Variants in MTAP observed in about 807,000 individuals in gnomAD.
MTAP encodes S-methyl-5'-thioadenosine phosphorylase.
MTAP carries 33 observed loss-of-function variants against 33.6 expected under a neutral mutation model. That is an observed-to-expected ratio of 0.98 (90% CI 0.74 to 1.31). MTAP has a LOEUF of 1.31. Ranked by LOEUF, MTAP falls within the 40% of genes most tolerant of loss-of-function variation. MTAP has a pLI of 0.00. For missense variants in MTAP, 367 were observed against 360.0 expected, an observed-to-expected ratio of 1.02 and a Z score of -0.16; for synonymous variants, 148 against 125.7, an observed-to-expected ratio of 1.18 and a Z score of -1.19.
chr9:21,810,713 C>G (rs1434838052), intron 1 of MTAP, among the ~76,000 whole-genome samples: 2 of 152,178 alleles, frequency 1.3e-5, no homozygotes, highest in Non-Finnish European at 2.9e-5. Flanking sequence ...TGAATTACCT[C>G]TTTAAAAACG....
intron 1 of MTAP, among the ~76,000 whole-genome samples, chr9:21,812,744 C>T (rs770114474): frequency 3.9e-5 from 6 of 152,178 alleles, no homozygotes; most frequent in Non-Finnish European, 8.8e-5. Flanking sequence ...AGCATGTTGT[C>T]TCATAACATG....
At chr9:21,841,985 A>T (rs1825258787) in intron 5 of MTAP, among the ~76,000 whole-genome samples, 1 of 152,250 alleles carries the variant, frequency 6.6e-6, no homozygotes, top group Non-Finnish European at 1.5e-5. Flanking sequence ...CTACTCAAGG[A>T]AATAGCAGAG....
intron 4 of MTAP, among the ~76,000 whole-genome samples, chr9:21,826,091 G>A (rs908691667): frequency 2.2e-4 from 33 of 151,608 alleles, no homozygotes; most frequent in Middle Eastern, 3.4e-3. Context: ...TCTATAGGCT[G>A]TCTCTTTATA....
intron 1 of MTAP, among the ~76,000 whole-genome samples, chr9:21,874,455 A>G (rs904237409): frequency 2.6e-5 from 4 of 152,162 alleles, no homozygotes; most frequent in Non-Finnish European, 5.9e-5. Flanking sequence ...TGGTTAATAC[A>G]TATTTTGTGT....
At chr9:21,882,551 A>G (rs1207181964) in intron 1 of MTAP, among the ~76,000 whole-genome samples, 4 of 152,038 alleles carry the variant, frequency 2.6e-5, no homozygotes, top group Non-Finnish European at 5.9e-5. Flanking sequence ...TGAGATTTCT[A>G]TTTTTCTCTC....
At chr9:21,831,713 C>G (rs1824971143) in intron 4 of MTAP, among the ~76,000 whole-genome samples, 1 of 152,022 alleles carries the variant, frequency 6.6e-6, no homozygotes, top group Non-Finnish European at 1.5e-5. Flanking sequence ...AACTTGCAAA[C>G]ATATCAGTAA....
intron 1 of MTAP, among the ~76,000 whole-genome samples, chr9:21,874,446 G>C (rs1825977217): frequency 6.6e-6 from 1 of 152,044 alleles, no homozygotes; most frequent in Non-Finnish European, 1.5e-5. Context: ...CATTGCAATT[G>C]GTTAATACAT....
At chr9:21,872,259 A>G (rs1008666854) in intron 1 of MTAP, among the ~76,000 whole-genome samples, 8 of 152,224 alleles carry the variant, frequency 5.3e-5, no homozygotes, top group South Asian at 2.1e-4. Flanking sequence ...GGGAGGTTGC[A>G]GTGAGCCAAG....
At chr9:21,920,758 G>C (rs577988824) in intron 1 of MTAP, among the ~76,000 whole-genome samples, 16 of 152,100 alleles carry the variant, frequency 1.1e-4, no homozygotes, top group Non-Finnish European at 2.4e-4. Flanking sequence ...TTATCCCTTG[G>C]ATAAATCCCA....
intron 7 of MTAP, chr9:21,859,670 T>G: frequency 8.4e-6 from 3 of 358,306 alleles, no homozygotes; most frequent in African/African-American, 2.1e-5. Context: ...TGTACCAGAT[T>G]CTTCACATTG....
At chr9:21,849,610 G>A (rs925147631) in intron 5 of MTAP, among the ~76,000 whole-genome samples, 1 of 152,192 alleles carries the variant, frequency 6.6e-6, no homozygotes, top group South Asian at 2.1e-4. Context: ...CATTCGAGCT[G>A]CCTCTACCTA....
At chr9:21,830,866 A>G (rs562614367) in intron 4 of MTAP, among the ~76,000 whole-genome samples, 37 of 152,350 alleles carry the variant, frequency 2.4e-4, no homozygotes, top group African/African-American at 8.7e-4. Flanking sequence ...GAAGAAAGGC[A>G]TGACTCTTTC....
chr9:21,842,834 A>T (rs926067109), intron 5 of MTAP, among the ~76,000 whole-genome samples: 3 of 152,224 alleles, frequency 2.0e-5, no homozygotes, highest in African/African-American at 7.2e-5. Context: ...CAAGACCTAT[A>T]AAACAATAAT....
At chr9:21,916,816 TCTATC>T (rs1189938929) in intron 1 of MTAP, among the ~76,000 whole-genome samples, 1 of 152,132 alleles carries the variant, frequency 6.6e-6, no homozygotes, top group Non-Finnish European at 1.5e-5. Flanking sequence ...ATTTTGGACT[TCTATC>T]CTCCAGAACT....
Position 21,891,837 on chromosome 9 carries a change from C to T in MTAP, c.147+36967C>T, listed in dbSNP as rs551646919. 8.9e-4 allele frequency among the ~76,000 whole-genome samples: 135 copies of T among 152,038 alleles called. 1 individual carries two copies. The highest frequency in any genetic ancestry group is 1.4e-3 in the Non-Finnish European group (95 of 67,978). On this transcript the variant is annotated intron_variant, in intron 1 of 1. Coordinates refer to the MTAP transcript ENST00000577563. ...GACACATAGTTATCAGATTCTCCAG[C>T]GTCAACACAAAAGAAAAAAATACTA...
downstream of MTAP, chr9:21,935,589 C>G (rs997769081): frequency 6.6e-6 from 1 of 152,066 alleles, no homozygotes; most frequent in Non-Finnish European, 1.5e-5. Flanking sequence ...ATACTCATGT[C>G]TCTCTGGGCC....
chr9:21,921,592 T>C (rs2131033483), intron 1 of MTAP, among the ~76,000 whole-genome samples: 1 of 152,354 alleles, frequency 6.6e-6, no homozygotes, highest in South Asian at 2.1e-4. Flanking sequence ...GAAGAAATTC[T>C]GAATTCCTCA....
chr9:21,854,391 G>A (rs1825586233), intron 5 of MTAP, among the ~76,000 whole-genome samples: 1 of 152,166 alleles, frequency 6.6e-6, no homozygotes, highest in South Asian at 2.1e-4. Flanking sequence ...GCTTGCTTGT[G>A]TAGCTATTAG....
chr9:21,930,287 G>T, intron 1 of MTAP: 1 of 230,816 alleles, frequency 4.3e-6, no homozygotes, highest in Non-Finnish European at 8.6e-6. Flanking sequence ...TATTTTTGGG[G>T]GCTGTCCTCA....
Sources: gnomAD v4.1 joint callset for allele counts (sites outside exome capture counted in the v4.1 genomes callset) on GRCh38, gnomAD v4.1.1 for gene constraint, MANE v1.5 for transcripts, NCBI Gene and HGNC (gene_info 2026-07-23, HGNC 2026-07-21) for gene names.